The following TAFA4 variants were observed in gnomAD, a reference collection of about 807,000 sequenced individuals.
TAFA4 encodes the protein chemokine-like protein TAFA-4.
In TAFA4, 20 loss-of-function variants were observed where a neutral mutation model predicts 21.1. That is an observed-to-expected ratio of 0.95 (90% confidence interval 0.67 to 1.38). TAFA4 has a LOEUF of 1.38. Ranked by LOEUF, TAFA4 falls within the 40% of genes most tolerant of loss-of-function variation. The pLI, the probability that TAFA4 is intolerant of heterozygous loss-of-function variation, is 0.00. For missense variants in TAFA4, 211 were observed against 180.9 expected (o/e 1.17, Z -0.95); for synonymous variants, 71 against 67.4 (o/e 1.05, Z -0.26).
At chr3:68,756,138 T>G (rs1702655949) in intron 3 of TAFA4, among the ~76,000 whole-genome samples, 1 of 152,184 alleles carries the variant, frequency 6.6e-6, no homozygotes, top group South Asian at 2.1e-4. Flanking sequence ...GAGATAATAA[T>G]GTCTGTTGAT....
At chr3:68,810,245 G>C (rs1703803894) in intron 3 of TAFA4, among the ~76,000 whole-genome samples, 2 of 152,166 alleles carry the variant, frequency 1.3e-5, no homozygotes, top group South Asian at 2.1e-4. Flanking sequence ...CCCAGCATGA[G>C]AGACGCAGAA....
chr3:68,868,728 G>C (rs1474837186), intron 3 of TAFA4, among the ~76,000 whole-genome samples: 1 of 151,788 alleles, frequency 6.6e-6, no homozygotes, highest in Non-Finnish European at 1.5e-5. Flanking sequence ...CAAAATCTAT[G>C]GGATACAGAA....
chr3:68,822,061 G>T (rs1327059659), intron 3 of TAFA4, among the ~76,000 whole-genome samples: 1 of 152,066 alleles, frequency 6.6e-6, no homozygotes. Flanking sequence ...TGGCAGGTGT[G>T]GACAGCTGTG....
At chr3:68,811,637 A>G (rs1052836078) in intron 3 of TAFA4, among the ~76,000 whole-genome samples, 1 of 152,238 alleles carries the variant, frequency 6.6e-6, no homozygotes, top group Admixed American at 6.5e-5. Flanking sequence ...AAGAATAAAA[A>G]GAAATGAACA....
chr3:68,758,452 T>C (rs1420936713), intron 3 of TAFA4, among the ~76,000 whole-genome samples: 1 of 152,178 alleles, frequency 6.6e-6, no homozygotes, highest in Admixed American at 6.5e-5. Context: ...GATGGTTTTA[T>C]AAAGGGGAGT....
At chr3:68,883,401 CCCCA>C (rs1197515949) in intron 2 of TAFA4, among the ~76,000 whole-genome samples, 1 of 152,210 alleles carries the variant, frequency 6.6e-6, no homozygotes, top group Non-Finnish European at 1.5e-5. Context: ...ATTAGGTCAG[CCCCA>C]CCCAGGATAG....
chr3:68,837,187 T>C (rs906274098), intron 3 of TAFA4, among the ~76,000 whole-genome samples: 3 of 152,172 alleles, frequency 2.0e-5, no homozygotes, highest in Non-Finnish European at 4.4e-5. Context: ...AGAAATAAAA[T>C]TTACCAACTC....
At chr3:68,823,607 C>G (rs948363238) in intron 3 of TAFA4, among the ~76,000 whole-genome samples, 4 of 152,080 alleles carry the variant, frequency 2.6e-5, no homozygotes, top group African/African-American at 9.7e-5. Context: ...TCCCCAAACC[C>G]CACCCTCCAA....
intron 4 of TAFA4, among the ~76,000 whole-genome samples, chr3:68,747,953 A>G (rs529601395): frequency 6.6e-6 from 1 of 152,134 alleles, no homozygotes. Context: ...ACTCACTCTC[A>G]TATGCTTCGT....
At chr3:68,733,325 C>A (rs1189139650) in intron 5 of TAFA4, among the ~76,000 whole-genome samples, 172 bp from the exon 6 acceptor site, 2 of 151,946 alleles carry the variant, frequency 1.3e-5, no homozygotes, top group Admixed American at 6.6e-5. Flanking sequence ...AGCCTAAAAG[C>A]AAGAAATATA....
At chr3:68,743,733 G>T (rs1001927353) in intron 4 of TAFA4, among the ~76,000 whole-genome samples, 1 of 152,124 alleles carries the variant, frequency 6.6e-6, no homozygotes, top group Non-Finnish European at 1.5e-5. Flanking sequence ...GCCAGAAAGG[G>T]GAGCCAGATG....
At chr3:68,751,215 C>G (rs1041127167) in intron 4 of TAFA4, among the ~76,000 whole-genome samples, 1 of 152,080 alleles carries the variant, frequency 6.6e-6, no homozygotes. Flanking sequence ...TTGCAGGGCT[C>G]GGCAAGCCAT....
At chr3:68,744,727 A>G (rs1382549239) in intron 4 of TAFA4, among the ~76,000 whole-genome samples, 2 of 152,182 alleles carry the variant, frequency 1.3e-5, no homozygotes, top group Admixed American at 1.3e-4. Flanking sequence ...CTACAGGAAA[A>G]AAAATCAGCA....
intron 3 of TAFA4, among the ~76,000 whole-genome samples, chr3:68,778,800 C>T (rs1703098085): frequency 6.6e-6 from 1 of 152,148 alleles, no homozygotes; most frequent in Admixed American, 6.5e-5. Context: ...TCTTTAGCAG[C>T]AGCATGAAAA....
intron 3 of TAFA4, among the ~76,000 whole-genome samples, chr3:68,878,556 A>G (rs1191845909): frequency 1.3e-5 from 2 of 152,294 alleles, no homozygotes; most frequent in East Asian, 1.9e-4. Context: ...ACAGCCAAAA[A>G]AAAAGGAACA....
At chr3:68,777,872 G>C (rs1452230528) in intron 3 of TAFA4, among the ~76,000 whole-genome samples, 1 of 152,106 alleles carries the variant, frequency 6.6e-6, no homozygotes. Context: ...GTCCAGGTTT[G>C]TAACTTAGAA....
In TAFA4 at chr3:68,896,822, C is replaced by T. The variant is rs544438258; in HGVS notation, c.-122-11512G>A. Among the ~76,000 whole-genome samples the T allele has an allele frequency of 1.4e-4, 22 of 152,292 alleles. No homozygotes were observed. In the South Asian group the frequency reaches 4.1e-3, roughly 29 times the overall value. ...AAACTACCATATGGGAGAAAACTAC[C>T]GAACTAACTATAAGGTCCAAGTTTC... On this transcript the variant is annotated intron_variant, in intron 1 of 5. Coordinates refer to ENST00000295569, the MANE Select transcript of TAFA4 (RefSeq NM_182522.5).
rs2089573308 is a variant in TAFA4, at chr3:68,878,051, AC to A, written c.130+2678del. On this transcript the variant is annotated intron_variant, in intron 3 of 5. Transcript: ENST00000295569. Reference sequence around the variant, plus strand: ...TGTACCAGAACCAGAATTAGGTTTGACTTTAGACCCCCCAACATTTGATTTC... The same window carrying A: ...TGTACCAGAACCAGAATTAGGTTTGATTTAGACCCCCCAACATTTGATTTC... 2.0e-5 allele frequency among the ~76,000 whole-genome samples: 3 copies of A among 152,200 alleles called. No individual in the cohort carries two copies. In the South Asian group the frequency reaches 6.2e-4, roughly 32 times the overall value.
At chr3:68,753,051 G>A (rs377366529) in intron 3 of TAFA4, 33 bp from the exon 4 acceptor site, 4 of 1,599,222 alleles carry the variant, frequency 2.5e-6, no homozygotes, top group Non-Finnish European at 3.4e-6. Context: ...AACAAACCCA[G>A]TGCTGTTAGA....
Sources: allele counts gnomAD v4.1 joint callset (sites outside exome capture counted in the v4.1 genomes callset), GRCh38; gene constraint gnomAD v4.1.1; transcripts MANE v1.5; gene names NCBI Gene and HGNC (gene_info 2026-07-23, HGNC 2026-07-21).